Variants in FLT1 observed in about 807,000 individuals in gnomAD.
FLT1 encodes vascular endothelial growth factor receptor 1.
Under a neutral mutation model 156.3 loss-of-function variants are expected in FLT1, and 49 were observed. The observed-to-expected ratio is 0.31, with a 90% CI of 0.25 to 0.40. The LOEUF is 0.40. FLT1 is among the 10% of genes least tolerant of loss of function. The pLI, the probability that FLT1 is intolerant of heterozygous loss-of-function variation, is 1.00. For synonymous variants in FLT1, 594 were observed against 583.8 expected (o/e 1.02, Z -0.25); for missense variants, 1,322 against 1,637.2 (o/e 0.81, Z 3.32).
At chr13:28,441,990 G>C (rs1323964650) in intron 3 of FLT1, among the ~76,000 whole-genome samples, 1 of 152,056 alleles carries the variant, frequency 6.6e-6, no homozygotes, top group African/African-American at 2.4e-5. Context: ...ATTTACCTGA[G>C]TTTCATCCTC....
At chr13:28,445,649 G>A (rs1023490973) in intron 3 of FLT1, among the ~76,000 whole-genome samples, 1 of 151,936 alleles carries the variant, frequency 6.6e-6, no homozygotes, top group African/African-American at 2.4e-5. Flanking sequence ...CTTTTAACAA[G>A]AGATTGAATT....
At chr13:28,469,168 G>A (rs374531454) in intron 1 of FLT1, among the ~76,000 whole-genome samples, 2 of 152,204 alleles carry the variant, frequency 1.3e-5, no homozygotes, top group Admixed American at 1.3e-4. Flanking sequence ...GTTAGCAGGA[G>A]AGAGGAAAGA....
At chr13:28,468,483 A>G (rs73455452) in intron 1 of FLT1, among the ~76,000 whole-genome samples, 21,929 of 152,162 alleles carry the variant, frequency 0.14, 2,865 homozygotes, top group African/African-American at 0.35. Flanking sequence ...AAGAGATTGG[A>G]CTAGACGACC....
intron 25 of FLT1, among the ~76,000 whole-genome samples, chr13:28,314,195 G>A (rs377445061): frequency 5.9e-5 from 9 of 152,152 alleles, no homozygotes; most frequent in African/African-American, 1.2e-4. Context: ...CTGCACCATC[G>A]TCTCCCCACA....
rs554058758 is a variant in FLT1, at chr13:28,322,865, C to T, written c.2878G>A (p.Val960Ile). 7.2e-5 allele frequency: 117 copies of T among 1,614,002 alleles called. No homozygotes were observed. The highest frequency in any genetic ancestry group is 1.3e-4 in the South Asian group (12 of 91,084). Residue 960 changes from valine to isoleucine, a missense_variant, in exon 21 of 30, where the codon GTC (valine) becomes ATC (isoleucine). Physicochemically the swap from Val to Ile is conservative, Grantham distance 29 (BLOSUM62 3). Around this residue, in one of 3 missense-constraint regions of FLT1, gnomAD observed 991 missense variants for 1,254.8 expected, o/e 0.79. Transcript: ENST00000282397. The surrounding 1 kb of genome is among the most constrained non-coding windows in gnomAD (Gnocchi z 4.3). ...CTCGCAAAGCTTTCGCTGCTGGTGA[C>T]GCTATCTAGTCTTGGTTTCTTGCCT... Reference protein sequence around the residue: ...EQGKKPRLDSVTSSESFASSG... With the variant: ...EQGKKPRLDSITSSESFASSG...
At chr13:28,360,970 T>C (rs1371484459) in intron 14 of FLT1, among the ~76,000 whole-genome samples, 3 of 152,120 alleles carry the variant, frequency 2.0e-5, no homozygotes, top group Non-Finnish European at 4.4e-5. Flanking sequence ...ATAATTATTA[T>C]TATTTGCCAA....
intron 14 of FLT1, among the ~76,000 whole-genome samples, chr13:28,374,309 G>A (rs1163685981): frequency 6.6e-6 from 1 of 151,958 alleles, no homozygotes; most frequent in Admixed American, 6.6e-5. Flanking sequence ...CAGCTATGCA[G>A]GAGGCTGAGG....
chr13:28,320,933 A>G (rs1421078778), intron 23 of FLT1, among the ~76,000 whole-genome samples: 2 of 152,148 alleles, frequency 1.3e-5, no homozygotes, highest in East Asian at 3.8e-4. Context: ...ACTATGTCTA[A>G]AAACAAGCAG....
At chr13:28,370,907 A>G (rs573873139) in intron 14 of FLT1, among the ~76,000 whole-genome samples, 53 of 152,298 alleles carry the variant, frequency 3.5e-4, no homozygotes, top group African/African-American at 1.3e-3. Flanking sequence ...TAGCGACTCT[A>G]ATGACCATTT....
rs928621321 is a variant in FLT1, at chr13:28,387,255, C to T, written c.1970-2224G>A. ...ACAGTAATATGCATTTTTCTTTGTA[C>T]CCATTTCTGAAAAATGTTCTACATT... On this transcript the variant is annotated intron_variant, in intron 13 of 29. Coordinates refer to ENST00000282397, the MANE Select transcript of FLT1 (RefSeq NM_002019.4). The T allele has an allele frequency of 2.9e-6, 3 of 1,040,494 alleles. 1 individual carries two copies. The highest frequency in any genetic ancestry group is 9.2e-5 in the South Asian group (2 of 21,746). The allele number at this position is 1,040,494 out of a possible 1,614,324, so 64.5% of individuals were successfully genotyped here.
chr13:28,337,076 G>A (rs1872146679), intron 17 of FLT1, among the ~76,000 whole-genome samples: 1 of 151,798 alleles, frequency 6.6e-6, no homozygotes, highest in Admixed American at 6.6e-5. Flanking sequence ...AAATATATAG[G>A]AGCTGAATTA....
At chr13:28,411,277 C>T (rs953497946) in intron 10 of FLT1, among the ~76,000 whole-genome samples, 3 of 151,684 alleles carry the variant, frequency 2.0e-5, no homozygotes, top group African/African-American at 4.8e-5. Context: ...TCTGGCCAGG[C>T]GCTGTGACTC....
At chr13:28,323,820 TAA>T (rs1871571934) in intron 20 of FLT1, among the ~76,000 whole-genome samples, 1 of 152,134 alleles carries the variant, frequency 6.6e-6, no homozygotes, top group Non-Finnish European at 1.5e-5. Context: ...GGAGGAGTTA[TAA>T]GAGAAGGCTA....
chr13:28,322,692 A>T lies in FLT1; in HGVS notation c.2953+98T>A. 1 of 1,050,166 alleles carries T rather than the reference A, an allele frequency of 9.5e-7. No individual in the cohort carries two copies. The highest frequency in any genetic ancestry group is 1.5e-6 in the Non-Finnish European group (1 of 674,612). 65.1% of individuals were successfully genotyped at this position (1,050,166 alleles called of 1,614,324 possible). A position where few individuals can be genotyped will look rare whatever the true frequency, so the allele number is the denominator to read the frequency against. On this transcript the variant is annotated intron_variant, in intron 21 of 29. Coordinates refer to ENST00000282397, the MANE Select transcript of FLT1 (RefSeq NM_002019.4). This position sits in a 1 kb window ranked among gnomAD's most constrained non-coding sequence, Gnocchi z 4.3. ...ACATTACCATTCGAGTCTCCCACGGATGTTTATTAGAGTGATAAATAAGAA... is the reference window on the plus strand; with the variant it reads ...ACATTACCATTCGAGTCTCCCACGGTTGTTTATTAGAGTGATAAATAAGAA...
rs189225525 is a variant in FLT1 at position 28,329,330 on chromosome 13, T to A, written c.2707+285A>T. On this transcript the variant is annotated intron_variant, in intron 19 of 29. Transcript: ENST00000282397. ...TTTACCTTGGCTCTGGCCACACTCC[T>A]TCAGACCCATCCTGAGAGAAAAGTG... is the stretch of plus-strand genomic sequence containing the variant. Among the ~76,000 whole-genome samples, 15 of 152,292 alleles carry A rather than the reference T, an allele frequency of 9.8e-5. No homozygotes were observed. In the East Asian group the frequency reaches 2.9e-3, roughly 29 times the overall value.
At chr13:28,473,443 G>A (rs1166488956) in intron 1 of FLT1, among the ~76,000 whole-genome samples, 5 of 151,624 alleles carry the variant, frequency 3.3e-5, no homozygotes, top group African/African-American at 7.3e-5. Context: ...TCAGGAGTTC[G>A]AGGCCAGCCT....
At chr13:28,418,130 A>G (rs1010405471) in intron 10 of FLT1, among the ~76,000 whole-genome samples, 1 of 152,176 alleles carries the variant, frequency 6.6e-6, no homozygotes. Flanking sequence ...CGAATAGGGG[A>G]AAGTGCCACA....
chr13:28,382,308 A>C (rs1299313482), intron 14 of FLT1, among the ~76,000 whole-genome samples: 4 of 152,214 alleles, frequency 2.6e-5, no homozygotes, highest in African/African-American at 9.6e-5. Context: ...CAAAGAAAGC[A>C]TAGGGAGTTT....
intron 1 of FLT1, among the ~76,000 whole-genome samples, chr13:28,485,504 G>T (rs1333065974): frequency 6.6e-6 from 1 of 152,100 alleles, no homozygotes; most frequent in Non-Finnish European, 1.5e-5. Flanking sequence ...GAAGGGTCAA[G>T]ACATTATGTA....
Sources: allele counts gnomAD v4.1 joint callset (sites outside exome capture counted in the v4.1 genomes callset), GRCh38; gene constraint gnomAD v4.1.1; regional missense constraint gnomAD v4.1.1; non-coding constraint Gnocchi (gnomAD v3.1); transcripts MANE v1.5; gene names NCBI Gene and HGNC (gene_info 2026-07-23, HGNC 2026-07-21).